The following NOTCH1 variants were observed in gnomAD, a reference collection of about 807,000 sequenced individuals.
NOTCH1 encodes the protein neurogenic locus notch homolog protein 1.
Under a neutral mutation model 254.8 loss-of-function variants are expected in NOTCH1, and 37 were observed. The observed-to-expected ratio is 0.15, with a 90% CI of 0.11 to 0.19. The LOEUF is 0.19. NOTCH1 is among the 10% of genes least tolerant of loss of function. The pLI, the probability that NOTCH1 is intolerant of heterozygous loss-of-function variation, is 1.00. For missense variants in NOTCH1, 2,972 were observed against 3,708.6 expected, an observed-to-expected ratio of 0.80 and a Z score of 5.16; for synonymous variants, 1,731 against 1,618.1, an observed-to-expected ratio of 1.07 and a Z score of -1.68.
rs746547529 is a variant in NOTCH1 at position 136,507,366 on chromosome 9, G to A, written c.3582C>T (p.Asn1194=). 1.4e-5 allele frequency: 22 copies of A among 1,612,656 alleles called. No individual in the cohort carries two copies. Among genetic ancestry groups the A allele is most frequent in the East Asian group, 1.3e-4 (6 of 44,874 alleles). ...TGGGGAGGTCGAGGCAGGTGCCCCC[G>A]TTCTGGCAGGGGTGGGAGAGGCACT... is the stretch of plus-strand genomic sequence containing the variant. The part of the protein sequence containing the change: ...IDECLSHPCQ[N]GGTCLDLPNT... Residue 1194 remains asparagine (N), a synonymous_variant, in exon 22 of 34, where the codon AAC becomes AAT. Transcript: ENST00000651671.
rs1842905617 is a variant in NOTCH1 at position 136,495,818 on chromosome 9, C to A, written c.*253G>T. 1 of 438,530 alleles carries A rather than the reference C, an allele frequency of 2.3e-6. No individual in the cohort carries two copies. Among genetic ancestry groups the A allele is most frequent in the East Asian group, 3.2e-5 (1 of 31,106 alleles). The allele number at this position is 438,530 out of a possible 1,614,324, so 27.2% of individuals were successfully genotyped here. ...GGAAAACCCTGGCTCTCAGAACTTG[C>A]TTGTTTTCTCAGAATAGATAAAAGT... On this transcript the variant is annotated 3_prime_UTR_variant, in exon 34 of 34. Transcript: ENST00000651671.
At chr9:136,497,621 G>T (rs1009562988) in intron 33 of NOTCH1, 63 bp from the exon 34 acceptor site, 8 of 1,421,752 alleles carry the variant, frequency 5.6e-6, no homozygotes, top group Non-Finnish European at 7.5e-6. Flanking sequence ...CCTCCCCAAG[G>T]TTCCATCACC....
chr9:136,518,437 C>T (rs999128914), intron 6 of NOTCH1, 145 bp from the exon 7 acceptor site: 259 of 1,198,790 alleles, frequency 2.2e-4, no homozygotes, highest in Admixed American at 4.2e-4. Flanking sequence ...TGGGACGTTC[C>T]GGGGGACTCA....
At chr9:136,514,746 G>T in intron 12 of NOTCH1, 44 bp from the exon 13 acceptor site, 2 of 1,587,626 alleles carry the variant, frequency 1.3e-6, no homozygotes, top group Non-Finnish European at 1.7e-6. Context: ...GCGCCCAGGG[G>T]GTCCCACCCA....
intron 2 of NOTCH1, among the ~76,000 whole-genome samples, chr9:136,524,945 T>G (rs1589073445): frequency 6.6e-6 from 1 of 152,196 alleles, no homozygotes; most frequent in Non-Finnish European, 1.5e-5. Context: ...CAGGAAGCCT[T>G]TCTGATGGGA....
In NOTCH1 at chr9:136,518,156, G is replaced by C. The variant is rs780769573; in HGVS notation, c.1236C>G (p.Asp412Glu). ...SGYTGPACSQ[D>E]VDECSLGANP... is the part of the protein sequence containing the mutation. ...ACCTACCCAGCGAGCACTCATCCAC[G>C]TCCTGGCTGCAGGCCGGGCCCGTGT... is the stretch of plus-strand genomic sequence containing the variant. The change falls in exon 7 of 34, where the codon GAC becomes GAG. Residue 412 changes from aspartate to glutamate, a missense_variant. By Grantham distance (45) the Asp-to-Glu change is conservative (BLOSUM62 2). Around this residue, in one of 8 missense-constraint regions of NOTCH1, gnomAD observed 90 missense variants for 183.6 expected, o/e 0.49. Coordinates refer to ENST00000651671, the MANE Select transcript of NOTCH1 (RefSeq NM_017617.5). The C allele has an allele frequency of 6.3e-7, 1 of 1,593,356 alleles. No individual in the cohort carries two copies. The highest frequency in any genetic ancestry group is 8.5e-7 in the Non-Finnish European group (1 of 1,170,422).
chr9:136,497,263 C>T lies in NOTCH1; in HGVS notation c.6476G>A (p.Arg2159His), dbSNP rs1060502233. The change falls in exon 34 of 34, where the codon CGC becomes CAC. Residue 2159 changes from arginine (R) to histidine (H), a missense_variant. Around this residue, in one of 8 missense-constraint regions of NOTCH1, gnomAD observed 529 missense variants for 529.2 expected, o/e 1.00. Coordinates refer to ENST00000651671, the MANE Select transcript of NOTCH1 (RefSeq NM_017617.5). ...LKPGVQGKKV[R>H]KPSSKGLACG... Reference sequence around the variant, plus strand: ...GGCCAGGCCTTTGCTGCTGGGCTTGCGGACCTTCTTGCCCTGCACGCCGGG... The same window carrying T: ...GGCCAGGCCTTTGCTGCTGGGCTTGTGGACCTTCTTGCCCTGCACGCCGGG... 15 of 1,611,182 alleles carry T rather than the reference C, an allele frequency of 9.3e-6. No individual in the cohort carries two copies. The highest frequency in any genetic ancestry group is 2.2e-5 in the East Asian group (1 of 44,886).
Position 136,513,399 on chromosome 9 carries a change from G to T in NOTCH1, c.2346C>A (p.Gly782=), listed in dbSNP as rs1564196226. 7 of 1,612,890 alleles carry T rather than the reference G, an allele frequency of 4.3e-6. No homozygotes were observed. The South Asian group carries it at 4.4e-5, about 10-fold the overall frequency. The part of the protein sequence containing the change: ...TSGYVCTCRE[G]FSGPNCQTNI... The stretch of plus-strand genomic sequence containing the variant: ...AACGCGCAGCCCACTCACCGCTGAA[G>T]CCCTCCCGGCAGGTGCACACGTAGC... Residue 782 remains glycine, a synonymous_variant, in exon 14 of 34, where the codon GGC becomes GGA. Transcript: ENST00000651671. This position sits in a 1 kb window ranked among gnomAD's most constrained non-coding sequence, Gnocchi z 4.7.
At position 136,495,943 on chromosome 9, in the gene NOTCH1, CTCG is replaced by C; in HGVS notation, c.*125_*127del. ...ATAAATACTAAAAAAAATTAAAATC[CTCG>C]TTCTTATTTTGTATAAAAACATGTG... On this transcript the variant is annotated 3_prime_UTR_variant, in exon 34 of 34. Coordinates refer to ENST00000651671, the MANE Select transcript of NOTCH1 (RefSeq NM_017617.5). 9.8e-7 allele frequency: 1 copy of C among 1,021,428 alleles called. No individual in the cohort carries two copies. Among genetic ancestry groups the C allele is most frequent in the East Asian group, 2.6e-5 (1 of 37,786 alleles). The allele number at this position is 1,021,428 out of a possible 1,614,324, so 63.3% of individuals were successfully genotyped here. A position where few individuals can be genotyped will look rare whatever the true frequency, so the allele number is the denominator to read the frequency against.
intron 2 of NOTCH1, among the ~76,000 whole-genome samples, chr9:136,535,330 A>C (rs1457162645): frequency 6.6e-6 from 1 of 152,000 alleles, no homozygotes; most frequent in Non-Finnish European, 1.5e-5. Flanking sequence ...GGCCCTGTTT[A>C]ACCGTGCGGG....
chr9:136,495,983 C>T lies in NOTCH1; in HGVS notation c.*88G>A, dbSNP rs1842907462. 7.3e-7 allele frequency: 1 copy of T among 1,378,926 alleles called. No homozygotes were observed. Among genetic ancestry groups the T allele is most frequent in the East Asian group, 2.4e-5 (1 of 41,368 alleles). 85.4% of individuals were successfully genotyped at this position (1,378,926 alleles called of 1,614,324 possible). ...TATAAAAACATGTGTTTTAAAAAGG[C>T]TCCTCTGGTCGGCCCTGGCATCCAC... On this transcript the variant is annotated 3_prime_UTR_variant, in exon 34 of 34. Transcript: ENST00000651671.
chr9:136,502,171 G>A, intron 28 of NOTCH1, 83 bp from the exon 29 acceptor site: 8 of 1,587,778 alleles, frequency 5.0e-6, no homozygotes, highest in Non-Finnish European at 6.9e-6. Context: ...CCTGGCGTGG[G>A]AGGTGGGCCC....
intron 9 of NOTCH1, 28 bp from the exon 10 acceptor site, chr9:136,516,122 G>T: frequency 5.2e-6 from 8 of 1,544,190 alleles, no homozygotes; most frequent in Non-Finnish European, 7.1e-6. Context: ...AGGGGAGGGA[G>T]TCATGTGCAA....
intron 17 of NOTCH1, 80 bp from the exon 18 acceptor site, chr9:136,510,041 C>T: frequency 7.4e-7 from 1 of 1,356,262 alleles, no homozygotes; most frequent in Admixed American, 1.7e-5. Flanking sequence ...GGCTGCATGG[C>T]TGGGGACAGC....
chr9:136,504,794 G>T lies in NOTCH1; in HGVS notation c.4897C>A (p.Arg1633Ser), dbSNP rs1247642509. Residue 1633 changes from arginine to serine, a missense_variant, in exon 26 of 34, where the codon CGT (arginine) becomes AGT (serine). Transcript: ENST00000651671. ...GGTGCGGCCCAGCCCTCGGCGGCAC[G>T]CTTGATGGGGTGCTTGCGCAGCTCC... is the stretch of plus-strand genomic sequence containing the variant. The part of the protein sequence containing the change: ...EEELRKHPIK[R>S]AAEGWAAPDA... The T allele has an allele frequency of 6.4e-7, 1 of 1,557,828 alleles. No individual in the cohort carries two copies. The highest frequency in any genetic ancestry group is 8.7e-7 in the Non-Finnish European group (1 of 1,151,312).
At chr9:136,499,428 G>C (rs1339970173) in intron 31 of NOTCH1, among the ~76,000 whole-genome samples, 169 bp from the exon 32 acceptor site, 1 of 152,254 alleles carries the variant, frequency 6.6e-6, no homozygotes, top group Non-Finnish European at 1.5e-5. Context: ...TGCCCCTGAG[G>C]AGGGGCCCGG....
In NOTCH1 at chr9:136,515,579, T is replaced by C. The variant is rs1257021470; in HGVS notation, c.1807A>G (p.Asn603Asp). The C allele has an allele frequency of 6.2e-7, 1 of 1,610,746 alleles. No homozygotes were observed. Among genetic ancestry groups the C allele is most frequent in the Non-Finnish European group, 8.5e-7 (1 of 1,179,786 alleles). Residue 603 changes from asparagine (N) to aspartate (D), a missense_variant, in exon 11 of 34, where the codon AAC becomes GAC. Physicochemically the swap from Asn to Asp is conservative, Grantham distance 23. Coordinates refer to ENST00000651671, the MANE Select transcript of NOTCH1 (RefSeq NM_017617.5). ...PGYTGHHCET[N>D]INECSSQPCR... ...GGCTGGCTGGAGCACTCGTTGATGT[T>C]GGTCTCGCAGTGGTGGCCCGTGTAG...
chr9:136,539,079 G>A (rs546606804), intron 2 of NOTCH1, among the ~76,000 whole-genome samples: 5 of 152,324 alleles, frequency 3.3e-5, no homozygotes, highest in East Asian at 3.9e-4. Context: ...TTTGCCGCCC[G>A]CATCTGGGGG....
intron 2 of NOTCH1, among the ~76,000 whole-genome samples, chr9:136,535,780 GAGA>G (rs1420494532): frequency 1.8e-5 from 1 of 54,470 alleles, no homozygotes. Context: ...AGGGTGGGTG[GAGA>G]GGGGAGCACT....
Sources: gnomAD v4.1 joint callset for allele counts (sites outside exome capture counted in the v4.1 genomes callset) on GRCh38, gnomAD v4.1.1 for gene constraint, gnomAD v4.1.1 regional missense constraint, Gnocchi (gnomAD v3.1) non-coding constraint, MANE v1.5 for transcripts, NCBI Gene and HGNC (gene_info 2026-07-23, HGNC 2026-07-21) for gene names.